The following MAP2K5 variants were observed in gnomAD, a reference collection of about 807,000 sequenced individuals.
MAP2K5 encodes mitogen-activated protein kinase kinase 5, also known as dual specificity mitogen-activated protein kinase kinase 5.
In MAP2K5, 49 loss-of-function variants were observed where a neutral mutation model predicts 83.1. The observed-to-expected ratio is 0.59, with a 90% CI of 0.47 to 0.75. The LOEUF is 0.75. Among genes scored for constraint, MAP2K5 ranks in the 30% least tolerant of loss-of-function variants. MAP2K5 has a pLI of 0.00. For missense variants in MAP2K5, 457 were observed against 557.5 expected (o/e 0.82, Z 1.82); for synonymous variants, 202 against 191.8 (o/e 1.05, Z -0.44).
chr15:67,598,055 ATT>A (rs1195565404), intron 7 of MAP2K5, among the ~76,000 whole-genome samples: 1 of 151,968 alleles, frequency 6.6e-6, no homozygotes, highest in Non-Finnish European at 1.5e-5. Flanking sequence ...AAGTACAAAA[ATT>A]AGCCGGGCAT....
intron 8 of MAP2K5, among the ~76,000 whole-genome samples, chr15:67,601,433 G>A (rs992675023): frequency 6.6e-6 from 1 of 152,042 alleles, no homozygotes; most frequent in Non-Finnish European, 1.5e-5. Flanking sequence ...AGTCTGCAAT[G>A]GTGTATGAAA....
intron 1 of MAP2K5, among the ~76,000 whole-genome samples, chr15:67,544,913 C>T (rs370924120): frequency 1.3e-5 from 2 of 152,168 alleles, no homozygotes; most frequent in Non-Finnish European, 1.5e-5. Flanking sequence ...TCTTTGTATC[C>T]GGAGTTCTCC....
rs150319365 is a variant in MAP2K5, at chr15:67,606,781, T to C, written c.545+6032T>C. Among the ~76,000 whole-genome samples, 600 of 152,322 alleles carry C rather than the reference T, an allele frequency of 3.9e-3. 3 individuals carry two copies. The highest frequency in any genetic ancestry group is 0.027 in the Middle Eastern group (8 of 294). On this transcript the variant is annotated intron_variant, in intron 8 of 21. Coordinates refer to ENST00000178640, the MANE Select transcript of MAP2K5 (RefSeq NM_145160.3). Reference sequence around the variant, plus strand: ...AATTAGAAGGACTGATGGTCATTTGTATAAAATGAGAAAATACATAAATTG... The same window carrying C: ...AATTAGAAGGACTGATGGTCATTTGCATAAAATGAGAAAATACATAAATTG...
chr15:67,601,661 T>C (rs999547423), intron 8 of MAP2K5, among the ~76,000 whole-genome samples: 1 of 152,258 alleles, frequency 6.6e-6, no homozygotes, highest in African/African-American at 2.4e-5. Context: ...TGGTTACCCA[T>C]GTTCTTAGAA....
At position 67,724,370 on chromosome 15, in the gene MAP2K5, G is replaced by T. The variant is rs187156180; in HGVS notation, c.1045-3546G>T. ...GTTTATTTTGACTTTTGACAGCCTCGTGGAGAACTCGTTCTTTTTTATTTA... is the reference window on the plus strand; with the variant it reads ...GTTTATTTTGACTTTTGACAGCCTCTTGGAGAACTCGTTCTTTTTTATTTA... On this transcript the variant is annotated intron_variant, in intron 16 of 21. Transcript: ENST00000178640. The surrounding 1 kb of genome is among the most constrained non-coding windows in gnomAD (Gnocchi z 4.4). Among the ~76,000 whole-genome samples the T allele has an allele frequency of 6.6e-6, 1 of 152,096 alleles. No homozygotes were observed. The highest frequency in any genetic ancestry group is 1.5e-5 in the Non-Finnish European group (1 of 67,978).
chr15:67,601,923 T>G lies in MAP2K5; in HGVS notation c.545+1174T>G, dbSNP rs138740810. ...CTGAATATAGTCCTTTAAGAACTTATGTTCACATGTTTGGATTGTTTTTTC... is the reference window on the plus strand; with the variant it reads ...CTGAATATAGTCCTTTAAGAACTTAGGTTCACATGTTTGGATTGTTTTTTC... On this transcript the variant is annotated intron_variant, in intron 8 of 21. Transcript: ENST00000178640. Among the ~76,000 whole-genome samples the G allele has an allele frequency of 1.1e-4, 17 of 152,388 alleles. No individual in the cohort carries two copies. In the South Asian group the frequency reaches 1.7e-3, roughly 15 times the overall value.
chr15:67,596,215 G>A (rs1040602930), intron 7 of MAP2K5, among the ~76,000 whole-genome samples: 1 of 152,144 alleles, frequency 6.6e-6, no homozygotes, highest in Non-Finnish European at 1.5e-5. Context: ...GAGGCCAGGA[G>A]TTTGAGACCA....
At chr15:67,598,143 T>G (rs937411266) in intron 7 of MAP2K5, among the ~76,000 whole-genome samples, 1 of 151,780 alleles carries the variant, frequency 6.6e-6, no homozygotes, top group South Asian at 2.1e-4. Context: ...ATGTGGAGTT[T>G]GCAGTGAGCC....
intron 8 of MAP2K5, among the ~76,000 whole-genome samples, chr15:67,622,272 T>C (rs972518696): frequency 1.3e-5 from 2 of 151,824 alleles, no homozygotes; most frequent in Non-Finnish European, 2.9e-5. Context: ...CAGGTATATA[T>C]TGGAGAAAGT....
intron 17 of MAP2K5, among the ~76,000 whole-genome samples, chr15:67,732,564 A>G (rs1422731594): frequency 6.6e-6 from 1 of 152,206 alleles, no homozygotes; most frequent in Non-Finnish European, 1.5e-5. Flanking sequence ...TAAAAAAAGG[A>G]AAAAAATCTG....
rs2089692451 is a variant in MAP2K5 at position 67,750,420 on chromosome 15, A to T, written c.1134+1819A>T. On this transcript the variant is annotated intron_variant, in intron 19 of 21. Transcript: ENST00000178640. This position sits in a 1 kb window ranked among gnomAD's most constrained non-coding sequence, Gnocchi z 4.2. ...TGACCTGCCTTAGACAAGATGAATC[A>T]TAGCATCTCGGAAAGGAAGGATTGG... 6.6e-6 allele frequency among the ~76,000 whole-genome samples: 1 copy of T among 152,222 alleles called. No individual in the cohort carries two copies. The highest frequency in any genetic ancestry group is 2.4e-5 in the African/African-American group (1 of 41,464).
chr15:67,723,771 T>C (rs979217885), intron 16 of MAP2K5, among the ~76,000 whole-genome samples: 1 of 152,180 alleles, frequency 6.6e-6, no homozygotes, highest in African/African-American at 2.4e-5. Flanking sequence ...AAAACTAGAC[T>C]TAAGCTGCCT....
At position 67,789,795 on chromosome 15, in the gene MAP2K5, G is replaced by A. The variant is rs560990723; in HGVS notation, c.1243-16851G>A. 7.6e-4 allele frequency among the ~76,000 whole-genome samples: 115 copies of A among 150,966 alleles called. 1 individual carries two copies. The highest frequency in any genetic ancestry group is 2.7e-3 in the African/African-American group (112 of 41,226). ...GGATTAACACTTCTTTCATATGTTT[G>A]TTGGTCACATTTTTTTTTTCACATT... On this transcript the variant is annotated intron_variant, in intron 21 of 21. Coordinates refer to ENST00000178640, the MANE Select transcript of MAP2K5 (RefSeq NM_145160.3).
At chr15:67,711,049 G>A (rs2088679601) in intron 16 of MAP2K5, among the ~76,000 whole-genome samples, 3 of 152,072 alleles carry the variant, frequency 2.0e-5, no homozygotes, top group Non-Finnish European at 4.4e-5. Flanking sequence ...TCTTCCTTGT[G>A]GCATGTAAAT....
intron 4 of MAP2K5, among the ~76,000 whole-genome samples, chr15:67,585,355 C>A (rs2085267164): frequency 6.6e-6 from 1 of 152,092 alleles, no homozygotes; most frequent in Admixed American, 6.5e-5. Flanking sequence ...TCAAGATTTG[C>A]AAGAAATGTA....
rs1555532758 is a variant in MAP2K5, at chr15:67,621,433, T to TG, written c.546-9454dup. Among the ~76,000 whole-genome samples the TG allele has an allele frequency of 1.2e-4, 5 of 40,556 alleles. No homozygotes were observed. In the South Asian group the frequency reaches 2.2e-3, roughly 18 times the overall value. 26.6% of individuals were successfully genotyped at this position (40,556 alleles called of 152,430 possible). A position where few individuals can be genotyped will look rare whatever the true frequency, so the allele number is the denominator to read the frequency against. On this transcript the variant is annotated intron_variant, in intron 8 of 21. Coordinates refer to ENST00000178640, the MANE Select transcript of MAP2K5 (RefSeq NM_145160.3). ...AAAGAAATACTAATGAACAAAAGTT[T>TG]GAAAAAAAAAAAAAAAGAACAAAAG...
rs994638195 is a variant in MAP2K5 at position 67,706,727 on chromosome 15, C to G, written c.1044+3319C>G. 5.9e-5 allele frequency among the ~76,000 whole-genome samples: 9 copies of G among 152,044 alleles called. 1 individual carries two copies. Among genetic ancestry groups the G allele is most frequent in the African/African-American group, 2.2e-4 (9 of 41,396 alleles). ...TTATTACCCCCACACAACATGTTAC[C>G]AACACAAGTAATAGACCAGTAAGTC... On this transcript the variant is annotated intron_variant, in intron 16 of 21. Coordinates refer to ENST00000178640, the MANE Select transcript of MAP2K5 (RefSeq NM_145160.3).
At chr15:67,571,635 C>T (rs1034064966) in intron 3 of MAP2K5, among the ~76,000 whole-genome samples, 2 of 152,010 alleles carry the variant, frequency 1.3e-5, no homozygotes, top group African/African-American at 4.8e-5. Context: ...GAAGGTTTCC[C>T]ATATACCAGC....
rs1298234499 is a variant in MAP2K5 at position 67,665,955 on chromosome 15, A to G, written c.847+1310A>G. 6.6e-6 allele frequency among the ~76,000 whole-genome samples: 1 copy of G among 152,196 alleles called. No homozygotes were observed. The highest frequency in any genetic ancestry group is 1.5e-5 in the Non-Finnish European group (1 of 68,026). On this transcript the variant is annotated intron_variant, in intron 13 of 21. Coordinates refer to ENST00000178640, the MANE Select transcript of MAP2K5 (RefSeq NM_145160.3). This position sits in a 1 kb window ranked among gnomAD's most constrained non-coding sequence, Gnocchi z 4.2. ...ATTCCCTGTACTCCTACCTCCGCAC[A>G]CCCAGCTACCGGTAAAGTGGTGATA... is the stretch of plus-strand genomic sequence containing the variant.
Sources: gnomAD v4.1 joint callset for allele counts (sites outside exome capture counted in the v4.1 genomes callset) on GRCh38, gnomAD v4.1.1 for gene constraint, Gnocchi (gnomAD v3.1) non-coding constraint, MANE v1.5 for transcripts, NCBI Gene and HGNC (gene_info 2026-07-23, HGNC 2026-07-21) for gene names.